The following SOCS2 variants were observed in gnomAD, a reference collection of about 807,000 sequenced individuals.
SOCS2 encodes the protein suppressor of cytokine signaling 2, also known as CIS-2.
Under a neutral mutation model 18.6 loss-of-function variants are expected in SOCS2, and 10 were observed. The ratio of observed to expected loss-of-function variants is 0.54; its 90% confidence interval spans 0.33 to 0.91. The LOEUF (loss-of-function observed/expected upper bound fraction) is 0.91. Among genes scored for constraint, SOCS2 ranks in the 40% least tolerant of loss-of-function variants. The pLI is 0.02. For missense variants in SOCS2, 231 were observed against 247.2 expected (o/e 0.93, Z 0.44); for synonymous variants, 104 against 104.0 (o/e 1.00, Z 0.00).
At chr12:93,573,357 C>T (rs973969985) in intron 1 of SOCS2, 19 of 493,990 alleles carry the variant, frequency 3.8e-5, no homozygotes, top group Middle Eastern at 5.2e-4. Context: ...CCGGGGAAAG[C>T]GTCGGGCGCC....
the SOCS2 span, among the ~76,000 whole-genome samples, chr12:93,599,416 C>A: frequency 6.6e-6 from 1 of 152,116 alleles, no homozygotes; most frequent in African/African-American, 2.4e-5. Flanking sequence ...CCCACTTTGG[C>A]CTCCCAAAGC....
chr12:93,616,044 C>G, the SOCS2 span, among the ~76,000 whole-genome samples: 1 of 152,238 alleles, frequency 6.6e-6, no homozygotes, highest in Non-Finnish European at 1.5e-5. Flanking sequence ...TAGCCTGCCT[C>G]AGGCCCTGTG....
the SOCS2 span, among the ~76,000 whole-genome samples, chr12:93,605,912 C>T: frequency 0.015 from 2,317 of 152,268 alleles, 71 homozygotes; most frequent in African/African-American, 0.053. Flanking sequence ...AGATATTAGA[C>T]AGGGTATAGT....
downstream of SOCS2, among the ~76,000 whole-genome samples, chr12:93,584,994 C>G (rs1047485292): frequency 8.5e-5 from 13 of 152,108 alleles, no homozygotes; most frequent in Non-Finnish European, 1.3e-4. Flanking sequence ...AACTCCTGAC[C>G]TCAGGTGATT....
chr12:93,615,187 GT>G, the SOCS2 span, among the ~76,000 whole-genome samples: 1 of 152,188 alleles, frequency 6.6e-6, no homozygotes, highest in Non-Finnish European at 1.5e-5. Context: ...TTGTTCATCA[GT>G]GATCTACTTG....
downstream of SOCS2, among the ~76,000 whole-genome samples, chr12:93,579,298 A>T (rs1033769247): frequency 1.3e-5 from 2 of 152,136 alleles, no homozygotes; most frequent in African/African-American, 4.8e-5. Context: ...GCCGCATGAT[A>T]CTCCAGTGAA....
the SOCS2 span, among the ~76,000 whole-genome samples, chr12:93,594,353 T>TTA: frequency 6.6e-6 from 1 of 152,198 alleles, no homozygotes; most frequent in African/African-American, 2.4e-5. Context: ...ACCTTCAATA[T>TTA]TATAGTACTT....
the SOCS2 span, among the ~76,000 whole-genome samples, chr12:93,618,187 C>T: frequency 3.7e-4 from 57 of 152,228 alleles, no homozygotes; most frequent in Admixed American, 8.5e-4. Context: ...TTGTAAGTTT[C>T]CTGAGGCCTC....
At chr12:93,617,388 T>A in the SOCS2 span, among the ~76,000 whole-genome samples, 1 of 152,158 alleles carries the variant, frequency 6.6e-6, no homozygotes, top group Admixed American at 6.5e-5. Context: ...GGAGTCTTGG[T>A]GATGTTGAGT....
chr12:93,586,374 G>A (rs1215845707), downstream of SOCS2, among the ~76,000 whole-genome samples: 2 of 152,130 alleles, frequency 1.3e-5, no homozygotes, highest in East Asian at 3.8e-4. Context: ...AATCAGACTT[G>A]AAGCTTTTCA....
upstream of SOCS2, chr12:93,571,519 GCCTCCCGC>G (rs551277413): frequency 7.0e-4 from 117 of 166,396 alleles, 4 homozygotes; most frequent in East Asian, 0.02. Context: ...CCACCGGCCT[GCCTCCCGC>G]CCTCGCTCCT....
chr12:93,581,982 T>C (rs918064717), intron 1 of SOCS2, among the ~76,000 whole-genome samples: 2 of 152,206 alleles, frequency 1.3e-5, no homozygotes, highest in African/African-American at 4.8e-5. Flanking sequence ...AGGGAAGTCA[T>C]GAATCAAACC....
In SOCS2 at chr12:93,574,967, T is replaced by C. The variant is rs761439528; in HGVS notation, c.385T>C (p.Tyr129His). ...CAGTGTGGTTCATCTGATCGACTAC[T>C]ATGTTCAGATGTGCAAGGATAAGCG... ...FDSVVHLIDY[Y>H]VQMCKDKRTG... The change falls in exon 2 of 2, where the codon TAT becomes CAT. Residue 129 changes from tyrosine to histidine, a missense_variant. Around this residue, in one of 3 missense-constraint regions of SOCS2, gnomAD observed 122 missense variants for 127.2 expected, o/e 0.96. Transcript: ENST00000551556. The C allele has an allele frequency of 1.9e-6, 3 of 1,614,018 alleles. No homozygotes were observed. The highest frequency in any genetic ancestry group is 1.7e-5 in the Admixed American group (1 of 60,004).
chr12:93,574,588 C>T lies in SOCS2; in HGVS notation c.140-134C>T, dbSNP rs1233841886. The T allele has an allele frequency of 1.8e-5, 10 of 566,328 alleles. No homozygotes were observed. The East Asian group carries it at 2.8e-4, about 16-fold the overall frequency. 35.1% of individuals were successfully genotyped at this position (566,328 alleles called of 1,614,324 possible). On this transcript the variant is annotated intron_variant, in intron 1 of 1. Transcript: ENST00000551556. ...TATTTGTGGTGGCCCGGTAAACTTT[C>T]GCTCACACACCACCTTTTTTTTTTT... is the stretch of plus-strand genomic sequence containing the variant.
chr12:93,625,981 C>T, the SOCS2 span, among the ~76,000 whole-genome samples: 1 of 151,916 alleles, frequency 6.6e-6, no homozygotes, highest in African/African-American at 2.4e-5. Context: ...TGCTCAGTAA[C>T]CATGAGAAAA....
At chr12:93,588,412 G>T (rs1257665130), downstream of SOCS2, among the ~76,000 whole-genome samples, 1 of 152,008 alleles carries the variant, frequency 6.6e-6, no homozygotes, top group Non-Finnish European at 1.5e-5. Flanking sequence ...TGTATCTTTT[G>T]TTTTTATTTT....
the SOCS2 span, among the ~76,000 whole-genome samples, chr12:93,612,372 T>C: frequency 6.6e-6 from 1 of 152,138 alleles, no homozygotes; most frequent in East Asian, 1.9e-4. Flanking sequence ...CTTTTTTTTT[T>C]TCTGTGATTA....
chr12:93,588,313 C>T (rs567067988), downstream of SOCS2, among the ~76,000 whole-genome samples: 11 of 152,200 alleles, frequency 7.2e-5, no homozygotes, highest in African/African-American at 2.7e-4. Context: ...GACTCACTGC[C>T]ATAAATTGTT....
At chr12:93,591,209 G>C in the SOCS2 span, among the ~76,000 whole-genome samples, 1 of 150,376 alleles carries the variant, frequency 6.6e-6, no homozygotes, top group Non-Finnish European at 1.5e-5. Context: ...CCAGAAGAGA[G>C]AGCTTTTATG....
Sources: gnomAD v4.1 joint callset for allele counts (sites outside exome capture counted in the v4.1 genomes callset) on GRCh38, gnomAD v4.1.1 for gene constraint, gnomAD v4.1.1 regional missense constraint, MANE v1.5 for transcripts, NCBI Gene and HGNC (gene_info 2026-07-23, HGNC 2026-07-21) for gene names.